CBL: variants seen among roughly 807,000 people sequenced by gnomAD.
CBL encodes the protein Cbl proto-oncogene, also known as E3 ubiquitin-protein ligase CBL.
CBL carries 45 observed loss-of-function variants against 96.9 expected under a neutral mutation model. The ratio of observed to expected loss-of-function variants is 0.46; its 90% confidence interval spans 0.37 to 0.60. The LOEUF (loss-of-function observed/expected upper bound fraction) is 0.60, where lower values mean the gene tolerates loss of function less well. Ranked by LOEUF, CBL falls within the 20% of genes least tolerant of loss-of-function variation. The pLI is 0.00. For synonymous variants in CBL, 420 were observed against 426.8 expected (o/e 0.98, Z 0.20); for missense variants, 1,024 against 1,143.5 (o/e 0.90, Z 1.51).
At chr11:119,287,971 G>A in intron 12 of CBL, 25 bp downstream of exon 12, 2 of 1,469,040 alleles carry the variant, frequency 1.4e-6, no homozygotes, top group Non-Finnish European at 1.9e-6. Context: ...GCTATATTTT[G>A]TACAGTGGAG....
intron 1 of CBL, among the ~76,000 whole-genome samples, chr11:119,227,391 G>T (rs183403471): frequency 1.1e-4 from 17 of 152,196 alleles, no homozygotes; most frequent in Non-Finnish European, 4.4e-5. Flanking sequence ...AACATCTGTA[G>T]TTGTTCGCTC....
intron 2 of CBL, among the ~76,000 whole-genome samples, chr11:119,245,058 G>C (rs1310906117): frequency 6.6e-6 from 1 of 151,948 alleles, no homozygotes; most frequent in Non-Finnish European, 1.5e-5. Context: ...CTTTTGTAGA[G>C]ATGGGGTCCC....
At chr11:119,296,028 A>G (rs1393226681) in intron 12 of CBL, among the ~76,000 whole-genome samples, 1 of 152,230 alleles carries the variant, frequency 6.6e-6, no homozygotes, top group African/African-American at 2.4e-5. Context: ...ATATGTAGAT[A>G]TAAGAAAAAA....
chr11:119,287,844 C>A lies in CBL; in HGVS notation c.1942-8C>A. 6.3e-7 allele frequency: 1 copy of A among 1,593,324 alleles called. No individual in the cohort carries two copies. Among genetic ancestry groups the A allele is most frequent in the Non-Finnish European group, 8.6e-7 (1 of 1,161,052 alleles). Reference sequence around the variant, plus strand: ...AGTTGTTTTTCAACACTTTTCTTTACTTTCCAGAGTATGAATAGCAGCCCA... The same window carrying A: ...AGTTGTTTTTCAACACTTTTCTTTAATTTCCAGAGTATGAATAGCAGCCCA... On this transcript the variant is annotated splice_polypyrimidine_tract_variant and splice_region_variant and intron_variant, in intron 11 of 15. Coordinates refer to ENST00000264033, the MANE Select transcript of CBL (RefSeq NM_005188.4).
intron 2 of CBL, among the ~76,000 whole-genome samples, chr11:119,268,813 G>T (rs1385282396): frequency 6.6e-6 from 1 of 152,210 alleles, no homozygotes; most frequent in African/African-American, 2.4e-5. Flanking sequence ...GGAAGAAGTA[G>T]AATTCAAACC....
At chr11:119,269,518 A>G (rs1161497209) in intron 2 of CBL, among the ~76,000 whole-genome samples, 2 of 152,128 alleles carry the variant, frequency 1.3e-5, no homozygotes, top group East Asian at 3.9e-4. Context: ...AAAAGATTTC[A>G]ATAGCATTTT....
chr11:119,210,556 G>A (rs182657044), intron 1 of CBL, among the ~76,000 whole-genome samples: 1 of 149,746 alleles, frequency 6.7e-6, no homozygotes, highest in East Asian at 2.0e-4. Context: ...CAGCCACCAA[G>A]TAGCTGGGAT....
rs552760421 is a variant in CBL at position 119,285,536 on chromosome 11, C to G, written c.1911C>G (p.Leu637=). 1 of 1,614,058 alleles carries G rather than the reference C, an allele frequency of 6.2e-7. No individual in the cohort carries two copies. Among genetic ancestry groups the G allele is most frequent in the Non-Finnish European group, 8.5e-7 (1 of 1,180,034 alleles). ...AGCCCAGACCAGATGTGCCTAGGCTCGGAAGCACGTTCAGTCTGGATACCT... is the reference window on the plus strand; with the variant it reads ...AGCCCAGACCAGATGTGCCTAGGCTGGGAAGCACGTTCAGTCTGGATACCT... ...QMEPRPDVPR[L]GSTFSLDTSM... Residue 637 remains leucine (L), a synonymous_variant, in exon 11 of 16, where the codon CTC becomes CTG. Coordinates refer to ENST00000264033, the MANE Select transcript of CBL (RefSeq NM_005188.4).
intron 2 of CBL, among the ~76,000 whole-genome samples, chr11:119,259,688 G>A (rs1188691831): frequency 2.0e-5 from 3 of 152,102 alleles, no homozygotes; most frequent in Non-Finnish European, 4.4e-5. Flanking sequence ...TTTTCATCAA[G>A]CTTATATAAA....
intron 1 of CBL, among the ~76,000 whole-genome samples, chr11:119,224,367 C>T (rs894256200): frequency 6.6e-6 from 1 of 152,048 alleles, no homozygotes; most frequent in Non-Finnish European, 1.5e-5. Context: ...ACGTCCCATC[C>T]ACCTCAGTCC....
intron 12 of CBL, among the ~76,000 whole-genome samples, chr11:119,291,796 C>T (rs868851280): frequency 6.6e-6 from 1 of 152,238 alleles, no homozygotes; most frequent in Non-Finnish European, 1.5e-5. Flanking sequence ...TGGGTCCCAG[C>T]AGTTTTACTG....
chr11:119,260,969 A>G (rs1422395220), intron 2 of CBL, among the ~76,000 whole-genome samples: 2 of 97,438 alleles, frequency 2.1e-5, no homozygotes, highest in Non-Finnish European at 3.7e-5. Context: ...TAATGGAGGC[A>G]AAGTCTCCAG....
chr11:119,247,375 C>T (rs1394028963), intron 2 of CBL, among the ~76,000 whole-genome samples: 1 of 152,172 alleles, frequency 6.6e-6, no homozygotes. Flanking sequence ...TCTGCTGCAA[C>T]TTCTAAGAAA....
intron 1 of CBL, among the ~76,000 whole-genome samples, chr11:119,223,318 C>T (rs1347049864): frequency 6.6e-6 from 1 of 150,754 alleles, no homozygotes; most frequent in South Asian, 2.1e-4. Context: ...AGACATGAGC[C>T]ACCATGCCTG....
In CBL at chr11:119,246,052, G is replaced by T. The variant is rs928499398; in HGVS notation, c.443+13357G>T. On this transcript the variant is annotated intron_variant, in intron 2 of 15. Coordinates refer to ENST00000264033, the MANE Select transcript of CBL (RefSeq NM_005188.4). ...TGCAGCGGCGCGATCTCAGCTCACT[G>T]CAGCCTCTGCCTCCTGGGTTCAAGG... Among the ~76,000 whole-genome samples the T allele has an allele frequency of 4.8e-5, 6 of 124,024 alleles. No homozygotes were observed. The East Asian group carries it at 1.3e-3, about 27-fold the overall frequency. The allele number at this position is 124,024 out of a possible 152,430, so 81.4% of individuals were successfully genotyped here.
chr11:119,224,107 A>G (rs1349791373), intron 1 of CBL, among the ~76,000 whole-genome samples: 2 of 152,174 alleles, frequency 1.3e-5, no homozygotes, highest in African/African-American at 4.8e-5. Flanking sequence ...TAGTATACAA[A>G]TGAACTTTAA....
Position 119,299,780 on chromosome 11 carries a change from A to G in CBL, c.2720A>G (p.Ter907TrpextTer9). ...SISSPAHVAT[*>W] ...TCTTCTCCTGCCCATGTAGCTACCT[A>G]GCACACCATCTCCCTGCTGCAGGTT... The change falls in exon 16 of 16, where the codon TAG (stop) becomes TGG (tryptophan). Residue 907 changes from the stop codon to tryptophan, a stop_lost. Coordinates refer to ENST00000264033, the MANE Select transcript of CBL (RefSeq NM_005188.4). 6.2e-7 allele frequency: 1 copy of G among 1,613,998 alleles called. No homozygotes were observed. Among genetic ancestry groups the G allele is most frequent in the Non-Finnish European group, 8.5e-7 (1 of 1,179,970 alleles).
Position 119,303,213 on chromosome 11 carries a change from A to T in CBL, c.*3432A>T, listed in dbSNP as rs1281940112. 1 of 231,780 alleles carries T rather than the reference A, an allele frequency of 4.3e-6. No homozygotes were observed. The highest frequency in any genetic ancestry group is 8.5e-6 in the Non-Finnish European group (1 of 116,996). 14.4% of individuals were successfully genotyped at this position (231,780 alleles called of 1,614,324 possible). A position where few individuals can be genotyped will look rare whatever the true frequency, so the allele number is the denominator to read the frequency against. The stretch of plus-strand genomic sequence containing the variant: ...TGTTCAGCAATGGTGATAAAGCAGA[A>T]TATTCTCCTACCTCACGTCATTAAA... On this transcript the variant is annotated 3_prime_UTR_variant, in exon 16 of 16. Coordinates refer to ENST00000264033, the MANE Select transcript of CBL (RefSeq NM_005188.4).
rs1332146707 is a variant in CBL, at chr11:119,277,904, TAGAA to T, written c.1095+61_1095+64del. 8.6e-6 allele frequency: 10 copies of T among 1,169,574 alleles called. No individual in the cohort carries two copies. The African/African-American group carries it at 1.2e-4, about 14-fold the overall frequency. 72.4% of individuals were successfully genotyped at this position (1,169,574 alleles called of 1,614,324 possible). On this transcript the variant is annotated intron_variant, in intron 7 of 15. Coordinates refer to ENST00000264033, the MANE Select transcript of CBL (RefSeq NM_005188.4). ...GACACAAGCTTTAGTATATTCTTTA[TAGAA>T]CTGACAGCATAATTGAATTCATTGG... is the stretch of plus-strand genomic sequence containing the variant.
Sources: allele counts gnomAD v4.1 joint callset (sites outside exome capture counted in the v4.1 genomes callset), GRCh38; gene constraint gnomAD v4.1.1; transcripts MANE v1.5; gene names NCBI Gene and HGNC (gene_info 2026-07-23, HGNC 2026-07-21).